Variants in ANO2 observed in about 807,000 individuals in gnomAD.
The protein encoded by ANO2 is anoctamin 2.
ANO2 carries 101 observed loss-of-function variants against 124.2 expected under a neutral mutation model. That is an observed-to-expected ratio of 0.81 (90% CI 0.69 to 0.96). ANO2 has a LOEUF of 0.96. Among genes scored for constraint, ANO2 ranks in the 40% least tolerant of loss-of-function variants. The probability of loss-of-function intolerance (pLI) is 0.00; values close to 1 mark genes in which losing one functional copy is unlikely to be tolerated. For synonymous variants in ANO2, 486 were observed against 482.5 expected (o/e 1.01, Z -0.09); for missense variants, 1,293 against 1,274.5 (o/e 1.01, Z -0.22).
chr12:5,931,552 T>G (rs373770345), intron 1 of ANO2, among the ~76,000 whole-genome samples: 2 of 134,108 alleles, frequency 1.5e-5, no homozygotes, highest in Non-Finnish European at 3.2e-5. Context: ...GGTAAGAAAG[T>G]GACTAATAAG....
At chr12:5,621,326 T>G (rs1945108225) in intron 16 of ANO2, among the ~76,000 whole-genome samples, 1 of 152,104 alleles carries the variant, frequency 6.6e-6, no homozygotes, top group South Asian at 2.1e-4. Context: ...TTTGGAAGAA[T>G]GAAAAAAAAT....
At chr12:5,943,340 C>A (rs971078480) in intron 1 of ANO2, among the ~76,000 whole-genome samples, 1 of 150,410 alleles carries the variant, frequency 6.6e-6, no homozygotes, top group South Asian at 2.1e-4. Context: ...TGAAAAGAAA[C>A]AAAATAAGTC....
rs1947260504 is a variant in ANO2, at chr12:5,658,248, C to G, written c.1546-10447G>C. The stretch of plus-strand genomic sequence containing the variant: ...TATACCTCCACTTCCTCACCCATAA[C>G]AAAGAGATTGAAAATAGTGCCAACG... On this transcript the variant is annotated intron_variant, in intron 14 of 24. Transcript: ENST00000682330. This position sits in a 1 kb window ranked among gnomAD's most constrained non-coding sequence, Gnocchi z 4.3. Among the ~76,000 whole-genome samples, 1 of 152,158 alleles carries G rather than the reference C, an allele frequency of 6.6e-6. No individual in the cohort carries two copies. The highest frequency in any genetic ancestry group is 2.1e-4 in the South Asian group (1 of 4,828).
chr12:5,936,739 T>C (rs11063933), intron 1 of ANO2, among the ~76,000 whole-genome samples: 14,831 of 152,268 alleles, frequency 0.097, 1,150 homozygotes, highest in African/African-American at 0.21. Context: ...ACTTCTATGT[T>C]GTCTTCTAGT....
intron 13 of ANO2, 119 bp downstream of exon 13, chr12:5,739,198 T>G: frequency 1.9e-4 from 188 of 974,244 alleles, no homozygotes; most frequent in Non-Finnish European, 2.5e-4. Context: ...GCAGCCACTG[T>G]GAGATCCAGC....
In ANO2 at chr12:5,633,679, C is replaced by T. The variant is rs528350055; in HGVS notation, c.1816+1473G>A. ...TGCCCTGGACGTAGAGCCCCGGCAC[C>T]GGGCTCCCCTGGCATCCTGCGTACA... is the stretch of plus-strand genomic sequence containing the variant. On this transcript the variant is annotated intron_variant, in intron 16 of 24. Transcript: ENST00000682330. 4.6e-5 allele frequency among the ~76,000 whole-genome samples: 7 copies of T among 152,302 alleles called. No individual in the cohort carries two copies. The East Asian group carries it at 7.7e-4, about 17-fold the overall frequency.
chr12:5,765,057 C>G (rs1951847346), intron 10 of ANO2, among the ~76,000 whole-genome samples: 1 of 152,152 alleles, frequency 6.6e-6, no homozygotes, highest in Non-Finnish European at 1.5e-5. Context: ...AGAGGCAGTC[C>G]AGGAGCCTGA....
chr12:5,848,947 G>T (rs1954777081), intron 4 of ANO2, among the ~76,000 whole-genome samples: 1 of 152,170 alleles, frequency 6.6e-6, no homozygotes, highest in African/African-American at 2.4e-5. Context: ...GTGCCTCTCT[G>T]CCAGGCATTC....
intron 19 of ANO2, among the ~76,000 whole-genome samples, chr12:5,601,496 G>A (rs1266610236): frequency 1.3e-5 from 2 of 152,106 alleles, no homozygotes; most frequent in Non-Finnish European, 2.9e-5. Context: ...ATGTGAGCTG[G>A]TTGTGATCCT....
intron 19 of ANO2, among the ~76,000 whole-genome samples, chr12:5,606,233 T>G (rs3782592): frequency 0.18 from 26,854 of 152,190 alleles, 2,660 homozygotes; most frequent in Non-Finnish European, 0.22. Flanking sequence ...GCAGTTCATG[T>G]GACCCTTTGG....
Position 5,830,492 on chromosome 12 carries a change from G to A in ANO2, c.786-3C>T, listed in dbSNP as rs1053838388. On this transcript the variant is annotated splice_region_variant and splice_polypyrimidine_tract_variant and intron_variant, in intron 5 of 24. Coordinates refer to ENST00000682330, the MANE Select transcript of ANO2 (RefSeq NM_001364791.2). Reference sequence around the variant, plus strand: ...TGTCCTTTTCCTGGATGTTGTACCTGGAGACACCAAGAGAGCAGATGGCAA... The same window carrying A: ...TGTCCTTTTCCTGGATGTTGTACCTAGAGACACCAAGAGAGCAGATGGCAA... The A allele has an allele frequency of 6.2e-7, 1 of 1,610,860 alleles. No homozygotes were observed. Among genetic ancestry groups the A allele is most frequent in the Non-Finnish European group, 8.5e-7 (1 of 1,178,608 alleles).
rs151306904 is a variant in ANO2 at position 5,626,740 on chromosome 12, G to A, written c.1816+8412C>T. ...GCTGATGCCCAGGAAGAACCAAGAG[G>A]GAGAATTCATCCTGCAAGAGCTGCA... On this transcript the variant is annotated intron_variant, in intron 16 of 24. Coordinates refer to ENST00000682330, the MANE Select transcript of ANO2 (RefSeq NM_001364791.2). 2.0e-3 allele frequency among the ~76,000 whole-genome samples: 299 copies of A among 152,272 alleles called. 2 individuals are homozygous for A. Among genetic ancestry groups the A allele is most frequent in the African/African-American group, 6.8e-3 (284 of 41,540 alleles).
chr12:5,703,477 G>C (rs1949485103), intron 14 of ANO2, among the ~76,000 whole-genome samples: 1 of 152,160 alleles, frequency 6.6e-6, no homozygotes, highest in East Asian at 1.9e-4. Flanking sequence ...GAAGCTAATA[G>C]GATAAAATGT....
At chr12:5,828,412 G>C (rs1357229232) in intron 6 of ANO2, among the ~76,000 whole-genome samples, 3 of 152,202 alleles carry the variant, frequency 2.0e-5, no homozygotes, top group African/African-American at 4.8e-5. Flanking sequence ...CCACCTGCTC[G>C]GGGACGCCAG....
intron 23 of ANO2, among the ~76,000 whole-genome samples, chr12:5,568,558 A>C (rs77453921): frequency 0.025 from 3,854 of 152,216 alleles, 153 homozygotes; most frequent in African/African-American, 0.086. Context: ...TTCAGATTTC[A>C]CAATTGTTTT....
intron 11 of ANO2, among the ~76,000 whole-genome samples, chr12:5,750,595 GCC>G (rs759100068): frequency 2.0e-4 from 31 of 152,304 alleles, no homozygotes; most frequent in African/African-American, 6.3e-4. Flanking sequence ...ACATCCCCCT[GCC>G]CTGGAGAAGA....
At chr12:5,916,147 C>T (rs1351154380) in intron 3 of ANO2, among the ~76,000 whole-genome samples, 1 of 152,026 alleles carries the variant, frequency 6.6e-6, no homozygotes, top group Non-Finnish European at 1.5e-5. Flanking sequence ...CATGGTGGCA[C>T]ACACCGCTGG....
intron 23 of ANO2, among the ~76,000 whole-genome samples, chr12:5,574,514 T>C (rs976312510): frequency 1.3e-5 from 2 of 151,694 alleles, no homozygotes; most frequent in African/African-American, 2.4e-5. Flanking sequence ...CCTATCAATG[T>C]AACCACATCC....
chr12:5,575,773 G>A (rs1295407118), intron 23 of ANO2, 61 bp downstream of exon 23: 121 of 1,548,926 alleles, frequency 7.8e-5, no homozygotes, highest in East Asian at 1.4e-4. Flanking sequence ...GGTCGTCCCC[G>A]TAATTATTTG....
Sources: gnomAD v4.1 joint callset for allele counts (sites outside exome capture counted in the v4.1 genomes callset) on GRCh38, gnomAD v4.1.1 for gene constraint, Gnocchi (gnomAD v3.1) non-coding constraint, MANE v1.5 for transcripts, NCBI Gene and HGNC (gene_info 2026-07-23, HGNC 2026-07-21) for gene names.